Variants in ZNF317 observed in about 807,000 individuals in gnomAD.
ZNF317 encodes the protein KRAB-containing zinc finger protein 317.
In ZNF317, 17 loss-of-function variants were observed where a neutral mutation model predicts 23.4. That is an observed-to-expected ratio of 0.73 (90% CI 0.50 to 1.09). ZNF317 has a LOEUF of 1.09. Ranked by LOEUF, ZNF317 falls within the 50% of genes least tolerant of loss-of-function variation. The probability of loss-of-function intolerance (pLI) is 0.00; values close to 1 mark genes in which losing one functional copy is unlikely to be tolerated. For synonymous variants in ZNF317, 317 were observed against 314.9 expected (o/e 1.01, Z -0.07); for missense variants, 679 against 796.7 (o/e 0.85, Z 1.78).
Position 9,160,655 on chromosome 19 carries a change from A to G in ZNF317, c.1010A>G (p.His337Arg). 6.2e-7 allele frequency: 1 copy of G among 1,614,138 alleles called. No homozygotes were observed. Among genetic ancestry groups the G allele is most frequent in the Non-Finnish European group, 8.5e-7 (1 of 1,180,024 alleles). ...THTGERPYEC[H>R]DCGKAFQHPS... ...ACCGGAGAGAGGCCCTACGAGTGTC[A>G]CGACTGTGGGAAAGCTTTCCAGCAC... The change falls in exon 7 of 7, where the codon CAC (histidine) becomes CGC (arginine). Residue 337 changes from histidine to arginine, a missense_variant. Transcript: ENST00000247956. The surrounding 1 kb of genome is among the most constrained non-coding windows in gnomAD (Gnocchi z 6.8).
In ZNF317 at chr19:9,157,357, T is replaced by A. The variant is rs780208786; in HGVS notation, c.252T>A (p.Asp84Glu). ...CTTCTCAGAGAAAACTGTACAAAGATGTAATGCTGGAGAACTACAGCAACC... is the reference window on the plus strand; with the variant it reads ...CTTCTCAGAGAAAACTGTACAAAGAAGTAATGCTGGAGAACTACAGCAACC... The part of the protein sequence containing the change: ...LDSSQRKLYK[D>E]VMLENYSNLT... Residue 84 changes from aspartate to glutamate, a missense_variant, in exon 4 of 7, where the codon GAT (aspartate) becomes GAA (glutamate). By Grantham distance (45) the Asp-to-Glu change is conservative. Transcript: ENST00000247956. 6.2e-7 allele frequency: 1 copy of A among 1,613,918 alleles called. No individual in the cohort carries two copies. The highest frequency in any genetic ancestry group is 8.5e-7 in the Non-Finnish European group (1 of 1,180,008).
Position 9,140,468 on chromosome 19 carries a change from G to T in ZNF317, c.-217G>T, listed in dbSNP as rs1199332938. On this transcript the variant is annotated 5_prime_UTR_variant, in exon 1 of 7. An upstream open reading frame in the 5' UTR gains an earlier in-frame stop. Transcript: ENST00000247956. ...CATGGGCCAAGGAGGGGTCAGCGGC[G>T]AATTCTTTCGGCCTGTTGGGGACCC... 1 of 456,092 alleles carries T rather than the reference G, an allele frequency of 2.2e-6. No homozygotes were observed. The highest frequency in any genetic ancestry group is 4.4e-6 in the Non-Finnish European group (1 of 226,732). 28.3% of individuals were successfully genotyped at this position (456,092 alleles called of 1,614,324 possible). A position where few individuals can be genotyped will look rare whatever the true frequency, so the allele number is the denominator to read the frequency against.
At chr19:9,151,859 A>C (rs576751987) in intron 1 of ZNF317, among the ~76,000 whole-genome samples, 26 of 150,274 alleles carry the variant, frequency 1.7e-4, no homozygotes, top group African/African-American at 6.1e-4. Context: ...CTTGATGTTA[A>C]TTCTAAATGT....
Position 9,143,372 on chromosome 19 carries a change from T to C in ZNF317, c.-93+2780T>C, listed in dbSNP as rs375767792. On this transcript the variant is annotated intron_variant, in intron 1 of 6. Transcript: ENST00000247956. The stretch of plus-strand genomic sequence containing the variant: ...CTATTTTATAACTTTCTGATTGTTA[T>C]CATTTTCTTCCTTTTTGGGATGTTT... 1.7e-4 allele frequency among the ~76,000 whole-genome samples: 26 copies of C among 152,284 alleles called. 1 individual carries two copies. The highest frequency in any genetic ancestry group is 1.1e-3 in the Admixed American group (17 of 15,292).
intron 1 of ZNF317, among the ~76,000 whole-genome samples, 170 bp from the exon 2 acceptor site, chr19:9,155,755 C>T (rs2050776132): frequency 6.6e-6 from 1 of 152,210 alleles, no homozygotes; most frequent in Non-Finnish European, 1.5e-5. Flanking sequence ...CCCCCCACCA[C>T]ATCACCACAT....
At chr19:9,147,742 C>G (rs895887538) in intron 1 of ZNF317, among the ~76,000 whole-genome samples, 1 of 152,110 alleles carries the variant, frequency 6.6e-6, no homozygotes, top group African/African-American at 2.4e-5. Flanking sequence ...CTGCTGGGGT[C>G]GCTTAGATGC....
In ZNF317 at chr19:9,162,324, G is replaced by T. The variant is rs1348006918; in HGVS notation, c.*891G>T. The T allele has an allele frequency of 6.6e-6, 1 of 152,106 alleles. No homozygotes were observed. Among genetic ancestry groups the T allele is most frequent in the Non-Finnish European group, 1.5e-5 (1 of 68,016 alleles). The allele number at this position is 152,106 out of a possible 1,614,324, so 9.4% of individuals were successfully genotyped here. ...TGCTGAGGTTGAAAATAATCATGCAGTCATTCCTCAATTACTGCCTGCAGC... is the reference window on the plus strand; with the variant it reads ...TGCTGAGGTTGAAAATAATCATGCATTCATTCCTCAATTACTGCCTGCAGC... On this transcript the variant is annotated 3_prime_UTR_variant, in exon 7 of 7. Transcript: ENST00000247956.
chr19:9,147,393 G>T (rs1364356347), intron 1 of ZNF317, among the ~76,000 whole-genome samples: 1 of 140,346 alleles, frequency 7.1e-6, no homozygotes, highest in African/African-American at 2.7e-5. Flanking sequence ...AGGCTGGAGT[G>T]CAGTGGCACA....
At chr19:9,146,015 A>G (rs10404694) in intron 1 of ZNF317, among the ~76,000 whole-genome samples, 14,863 of 152,056 alleles carry the variant, frequency 0.098, 869 homozygotes, top group African/African-American at 0.17. Context: ...TTGGCTGTGT[A>G]TAATCTAAAA....
intron 1 of ZNF317, among the ~76,000 whole-genome samples, chr19:9,147,335 T>G (rs1293997926): frequency 2.1e-5 from 1 of 48,696 alleles, no homozygotes; most frequent in Non-Finnish European, 3.8e-5. Context: ...CACTGGTTTT[T>G]TTTTTTTTTT....
intron 1 of ZNF317, among the ~76,000 whole-genome samples, chr19:9,149,043 T>TGAACAA (rs2050712956): frequency 6.6e-6 from 1 of 152,204 alleles, no homozygotes; most frequent in South Asian, 2.1e-4. Flanking sequence ...CAGCCTGGGT[T>TGAACAA]GAACAAGTGA....
chr19:9,143,882 C>T (rs2050657325), intron 1 of ZNF317, among the ~76,000 whole-genome samples: 1 of 146,690 alleles, frequency 6.8e-6, no homozygotes, highest in Non-Finnish European at 1.5e-5. Flanking sequence ...GCCTTTTTGC[C>T]TTAATCTATT....
In ZNF317 at chr19:9,160,633, G is replaced by A. The variant is rs748398064; in HGVS notation, c.988G>A (p.Gly330Arg). 13 of 1,614,122 alleles carry A rather than the reference G, an allele frequency of 8.1e-6. No individual in the cohort carries two copies. The highest frequency in any genetic ancestry group is 1.7e-5 in the Admixed American group (1 of 60,024). The part of the protein sequence containing the change: ...HLIAHKRTHT[G>R]ERPYECHDCG... ...CATCGCACACAAGAGAACGCACACC[G>A]GAGAGAGGCCCTACGAGTGTCACGA... The change falls in exon 7 of 7, where the codon GGA becomes AGA. Residue 330 changes from glycine to arginine, a missense_variant. Physicochemically the swap from Gly to Arg is moderately radical, Grantham distance 125. Transcript: ENST00000247956. The surrounding 1 kb of genome is among the most constrained non-coding windows in gnomAD (Gnocchi z 6.8).
At chr19:9,142,056 T>C (rs895012258) in intron 1 of ZNF317, among the ~76,000 whole-genome samples, 3 of 152,320 alleles carry the variant, frequency 2.0e-5, no homozygotes, top group African/African-American at 7.2e-5. Context: ...TCCACCGGCC[T>C]TGGCCTCCCA....
chr19:9,162,951 G>T lies in ZNF317; in HGVS notation c.*1518G>T, dbSNP rs1230126065. The T allele has an allele frequency of 6.6e-6, 1 of 152,186 alleles. No homozygotes were observed. Among genetic ancestry groups the T allele is most frequent in the Non-Finnish European group, 1.5e-5 (1 of 68,038 alleles). 9.4% of individuals were successfully genotyped at this position (152,186 alleles called of 1,614,324 possible). Reference sequence around the variant, plus strand: ...GCCAAGAGTGACAGATACTTCTAGTGACTTCCCCGGTATCCACTCTCATCT... The same window carrying T: ...GCCAAGAGTGACAGATACTTCTAGTTACTTCCCCGGTATCCACTCTCATCT... On this transcript the variant is annotated 3_prime_UTR_variant, in exon 7 of 7. Coordinates refer to ENST00000247956, the MANE Select transcript of ZNF317 (RefSeq NM_020933.5).
In ZNF317 at chr19:9,161,564, C is replaced by T; in HGVS notation, c.*131C>T. 1 of 1,378,834 alleles carries T rather than the reference C, an allele frequency of 7.3e-7. No individual in the cohort carries two copies. Among genetic ancestry groups the T allele is most frequent in the Non-Finnish European group, 9.8e-7 (1 of 1,022,988 alleles). 85.4% of individuals were successfully genotyped at this position (1,378,834 alleles called of 1,614,324 possible). ...ACGGAACTTGGGAGAAGTCCAGTTC[C>T]TGTAAAAACTGGGAAGACGAGGCGT... is the stretch of plus-strand genomic sequence containing the variant. On this transcript the variant is annotated 3_prime_UTR_variant, in exon 7 of 7. Transcript: ENST00000247956. This position sits in a 1 kb window ranked among gnomAD's most constrained non-coding sequence, Gnocchi z 4.0.
rs370870481 is a variant in ZNF317 at position 9,146,967 on chromosome 19, G to T, written c.-93+6375G>T. ...AACATTTGTTTTGGACCACAAACTT[G>T]ATGGAGGAGGCAGATCTTCTAAAAC... On this transcript the variant is annotated intron_variant, in intron 1 of 6. Coordinates refer to ENST00000247956, the MANE Select transcript of ZNF317 (RefSeq NM_020933.5). Among the ~76,000 whole-genome samples the T allele has an allele frequency of 8.5e-5, 13 of 152,302 alleles. No individual in the cohort carries two copies. In the South Asian group the frequency reaches 2.1e-3, roughly 24 times the overall value.
chr19:9,161,593 C>T lies in ZNF317; in HGVS notation c.*160C>T. On this transcript the variant is annotated 3_prime_UTR_variant, in exon 7 of 7. Coordinates refer to ENST00000247956, the MANE Select transcript of ZNF317 (RefSeq NM_020933.5). This position sits in a 1 kb window ranked among gnomAD's most constrained non-coding sequence, Gnocchi z 4.0. ...AAAAACTGGGAAGACGAGGCGTTCT[C>T]ATCCCATAGGAGGTTTGTGAGAACT... 1 of 1,102,412 alleles carries T rather than the reference C, an allele frequency of 9.1e-7. No homozygotes were observed. The highest frequency in any genetic ancestry group is 1.3e-6 in the Non-Finnish European group (1 of 785,192). 68.3% of individuals were successfully genotyped at this position (1,102,412 alleles called of 1,614,324 possible).
chr19:9,157,949 C>G, intron 4 of ZNF317, 31 bp from the exon 5 acceptor site: 2 of 1,548,640 alleles, frequency 1.3e-6, no homozygotes, highest in Non-Finnish European at 1.7e-6. Flanking sequence ...GCATGGCCCT[C>G]CCTCAACCTG....
Sources: allele counts gnomAD v4.1 joint callset (sites outside exome capture counted in the v4.1 genomes callset), GRCh38; gene constraint gnomAD v4.1.1; non-coding constraint Gnocchi (gnomAD v3.1); transcripts MANE v1.5; gene names NCBI Gene and HGNC (gene_info 2026-07-23, HGNC 2026-07-21).